The following ERBB4 variants were observed in gnomAD, a reference collection of about 807,000 sequenced individuals.
ERBB4 encodes the protein erb-b2 receptor tyrosine kinase 4, also known as receptor tyrosine-protein kinase erbB-4.
A neutral mutation model predicts 158.0 loss-of-function variants in ERBB4; 42 were observed. The ratio of observed to expected loss-of-function variants is 0.27; its 90% confidence interval spans 0.21 to 0.34. The LOEUF (loss-of-function observed/expected upper bound fraction) is 0.34, where lower values mean the gene tolerates loss of function less well. ERBB4 is among the 10% of genes least tolerant of loss of function. ERBB4 has a pLI of 1.00. For synonymous variants in ERBB4, 583 were observed against 558.7 expected, an observed-to-expected ratio of 1.04 and a Z score of -0.61; for missense variants, 1,333 against 1,624.1, an observed-to-expected ratio of 0.82 and a Z score of 3.08.
intron 3 of ERBB4, among the ~76,000 whole-genome samples, chr2:211,823,229 G>A (rs1453756096): frequency 6.6e-6 from 1 of 151,896 alleles, no homozygotes; most frequent in Non-Finnish European, 1.5e-5. Flanking sequence ...TCATCTTGGG[G>A]CAATAGGTAA....
intron 1 of ERBB4, among the ~76,000 whole-genome samples, chr2:212,272,375 T>C (rs1267460496): frequency 6.6e-6 from 1 of 151,738 alleles, no homozygotes; most frequent in African/African-American, 2.4e-5. Context: ...TATAAACAGA[T>C]TTTGCATTTC....
intron 20 of ERBB4, among the ~76,000 whole-genome samples, chr2:211,525,572 A>G (rs922047451): frequency 6.6e-6 from 1 of 152,144 alleles, no homozygotes; most frequent in African/African-American, 2.4e-5. Flanking sequence ...GCCTTAGATG[A>G]GACTCTGAGA....
intron 1 of ERBB4, among the ~76,000 whole-genome samples, chr2:212,190,894 T>C (rs961239401): frequency 6.6e-6 from 1 of 152,186 alleles, no homozygotes; most frequent in Non-Finnish European, 1.5e-5. Flanking sequence ...GAATTGTATT[T>C]TGAAAACACA....
chr2:211,765,826 A>T (rs2075538670), intron 4 of ERBB4, among the ~76,000 whole-genome samples: 1 of 152,212 alleles, frequency 6.6e-6, no homozygotes, highest in Non-Finnish European at 1.5e-5. Flanking sequence ...CAATTTCTTT[A>T]TTCTGGGAAA....
intron 20 of ERBB4, among the ~76,000 whole-genome samples, chr2:211,551,254 G>T (rs1186693483): frequency 6.6e-6 from 1 of 152,058 alleles, no homozygotes; most frequent in African/African-American, 2.4e-5. Context: ...TACACAAAAG[G>T]TCTGATGACA....
chr2:211,645,683 A>G lies in ERBB4; in HGVS notation c.1946+12071T>C, dbSNP rs555724355. Among the ~76,000 whole-genome samples the G allele has an allele frequency of 2.0e-5, 3 of 151,818 alleles. No individual in the cohort carries two copies. In the East Asian group the frequency reaches 5.8e-4, roughly 29 times the overall value. Reference sequence around the variant, plus strand: ...CTTTTGGTGAAAAACTTGCAGCCGTACTTTGATGGAACCTGTCTAATTTTA... The same window carrying G: ...CTTTTGGTGAAAAACTTGCAGCCGTGCTTTGATGGAACCTGTCTAATTTTA... On this transcript the variant is annotated intron_variant, in intron 16 of 27. Coordinates refer to ENST00000342788, the MANE Select transcript of ERBB4 (RefSeq NM_005235.3).
chr2:211,509,347 AAAAT>A (rs1300651343), intron 20 of ERBB4, among the ~76,000 whole-genome samples: 2 of 152,162 alleles, frequency 1.3e-5, no homozygotes, highest in Non-Finnish European at 2.9e-5. Flanking sequence ...AACTTAAAGC[AAAAT>A]AAATAAATAA....
intron 1 of ERBB4, among the ~76,000 whole-genome samples, chr2:212,210,371 A>C (rs1360804980): frequency 6.6e-6 from 1 of 152,128 alleles, no homozygotes; most frequent in African/African-American, 2.4e-5. Context: ...AAAGAAAAAA[A>C]TGATGGTAAC....
At chr2:212,357,356 C>T (rs1209704307) in intron 1 of ERBB4, among the ~76,000 whole-genome samples, 4 of 151,762 alleles carry the variant, frequency 2.6e-5, no homozygotes, top group African/African-American at 9.7e-5. Context: ...TCAAGTGGAT[C>T]CATCTGTCCA....
At position 211,609,962 on chromosome 2, in the gene ERBB4, C is replaced by A. The variant is rs140072844; in HGVS notation, c.2301+9215G>T. ...GTGGTGTTAAGTAAAATGAGGAATT[C>A]TCTTGATTATTTTGAGGAAACGATC... On this transcript the variant is annotated intron_variant, in intron 19 of 27. Coordinates refer to ENST00000342788, the MANE Select transcript of ERBB4 (RefSeq NM_005235.3). Among the ~76,000 whole-genome samples the A allele has an allele frequency of 2.2e-3, 331 of 151,476 alleles. 1 individual carries two copies. Among genetic ancestry groups the A allele is most frequent in the African/African-American group, 7.6e-3 (311 of 40,908 alleles).
intron 27 of ERBB4, among the ~76,000 whole-genome samples, chr2:211,384,798 A>G (rs2062651157): frequency 6.6e-6 from 1 of 152,112 alleles, no homozygotes; most frequent in African/African-American, 2.4e-5. Context: ...TGAATTATAT[A>G]AAATAAAATA....
intron 2 of ERBB4, among the ~76,000 whole-genome samples, chr2:212,116,648 T>A (rs2079580988): frequency 6.6e-6 from 1 of 152,160 alleles, no homozygotes; most frequent in Non-Finnish European, 1.5e-5. Flanking sequence ...GGTCTCACTA[T>A]GTTACCCAAA....
chr2:212,439,868 T>C (rs1224499434), intron 1 of ERBB4, among the ~76,000 whole-genome samples: 3 of 152,138 alleles, frequency 2.0e-5, no homozygotes, highest in Non-Finnish European at 2.9e-5. Flanking sequence ...AATGAGCTTA[T>C]TTTACATTTG....
At chr2:211,654,356 T>C (rs2105891478) in intron 16 of ERBB4, among the ~76,000 whole-genome samples, 1 of 152,370 alleles carries the variant, frequency 6.6e-6, no homozygotes, top group South Asian at 2.1e-4. Flanking sequence ...CTGCATTATA[T>C]TTAAGTTCTA....
intron 6 of ERBB4, among the ~76,000 whole-genome samples, chr2:211,724,447 T>C (rs2074202310): frequency 6.6e-6 from 1 of 152,020 alleles, no homozygotes; most frequent in South Asian, 2.1e-4. Context: ...TATAAACATT[T>C]GTGTATTTTT....
chr2:212,286,505 C>T (rs4673657), intron 1 of ERBB4, among the ~76,000 whole-genome samples: 61,390 of 151,286 alleles, frequency 0.41, 14,304 homozygotes, highest in East Asian at 0.74. Flanking sequence ...GGTTGCATAA[C>T]CTCTCTGAGC....
chr2:212,073,812 AT>A (rs113669050), intron 2 of ERBB4, among the ~76,000 whole-genome samples: 18,018 of 151,938 alleles, frequency 0.12, 1,383 homozygotes, highest in African/African-American at 0.21. Context: ...AAGCATGATT[AT>A]TTTTTTACAT....
intron 20 of ERBB4, among the ~76,000 whole-genome samples, chr2:211,477,815 C>T (rs965689453): frequency 7.2e-5 from 11 of 152,068 alleles, no homozygotes; most frequent in Admixed American, 7.2e-4. Flanking sequence ...CATAACAGTT[C>T]TCTTTGCCTT....
chr2:211,558,523 T>C (rs768806829), intron 20 of ERBB4, among the ~76,000 whole-genome samples: 2 of 152,200 alleles, frequency 1.3e-5, no homozygotes, highest in Admixed American at 6.5e-5. Context: ...GGGGATAGAA[T>C]GTATTAGCAT....
Sources: gnomAD v4.1 joint callset for allele counts (sites outside exome capture counted in the v4.1 genomes callset) on GRCh38, gnomAD v4.1.1 for gene constraint, MANE v1.5 for transcripts, NCBI Gene and HGNC (gene_info 2026-07-23, HGNC 2026-07-21) for gene names.